Variants in DLC1 observed in about 807,000 individuals in gnomAD.
DLC1 encodes rho GTPase-activating protein 7.
In DLC1, 54 loss-of-function variants were observed where a neutral mutation model predicts 140.3. That is an observed-to-expected ratio of 0.38 (90% CI 0.31 to 0.48). The LOEUF (loss-of-function observed/expected upper bound fraction) is 0.48. Among genes scored for constraint, DLC1 ranks in the 20% least tolerant of loss-of-function variants. DLC1 has a pLI of 0.96. For missense variants in DLC1, 2,536 were observed against 1,907.0 expected (o/e 1.33, Z -6.14); for synonymous variants, 986 against 728.1 (o/e 1.35, Z -5.70).
At chr8:13,291,449 A>T (rs892637679) in intron 5 of DLC1, among the ~76,000 whole-genome samples, 2 of 137,382 alleles carry the variant, frequency 1.5e-5, no homozygotes, top group Non-Finnish European at 3.3e-5. Context: ...ATTATTTGAG[A>T]TGAACAAAAT....
At chr8:13,492,775 A>T (rs1801320768) in intron 2 of DLC1, among the ~76,000 whole-genome samples, 1 of 152,216 alleles carries the variant, frequency 6.6e-6, no homozygotes, top group African/African-American at 2.4e-5. Context: ...TTATCTTACA[A>T]TTAAATGTTT....
chr8:13,235,086 G>A (rs1239662677), intron 5 of DLC1, among the ~76,000 whole-genome samples: 1 of 151,934 alleles, frequency 6.6e-6, no homozygotes, highest in Non-Finnish European at 1.5e-5. Flanking sequence ...TTTTTGTATT[G>A]TGATAGAGTC....
chr8:13,098,370 G>T, intron 10 of DLC1, 29 bp downstream of exon 10: 1 of 1,609,346 alleles, frequency 6.2e-7, no homozygotes, highest in South Asian at 1.1e-5. Flanking sequence ...CATTTTCAAC[G>T]ACAGTTGACT....
chr8:13,348,050 C>G (rs956415486), intron 4 of DLC1, among the ~76,000 whole-genome samples: 2 of 151,998 alleles, frequency 1.3e-5, no homozygotes, highest in African/African-American at 4.8e-5. Context: ...GATCACGCCA[C>G]TGCACTCCAG....
chr8:13,196,028 C>A (rs1272127631), intron 5 of DLC1, among the ~76,000 whole-genome samples: 1 of 151,348 alleles, frequency 6.6e-6, no homozygotes, highest in African/African-American at 2.4e-5. Context: ...TAAGTAAATC[C>A]AGCTTTATAC....
chr8:13,424,169 A>G (rs905203771), intron 2 of DLC1, among the ~76,000 whole-genome samples: 1 of 152,138 alleles, frequency 6.6e-6, no homozygotes. Context: ...AAAATAACTC[A>G]TTGTCCTACC....
At chr8:13,186,202 T>C (rs1245896456) in intron 5 of DLC1, among the ~76,000 whole-genome samples, 2 of 152,200 alleles carry the variant, frequency 1.3e-5, no homozygotes, top group Non-Finnish European at 2.9e-5. Context: ...CCTGCCTTGC[T>C]AGGTTGGGGA....
chr8:13,219,918 C>T (rs958218504), intron 5 of DLC1, among the ~76,000 whole-genome samples: 2 of 152,164 alleles, frequency 1.3e-5, no homozygotes, highest in African/African-American at 4.8e-5. Context: ...AACAATGCGA[C>T]ACAGAAGGCT....
chr8:13,311,822 A>C (rs1832673167), intron 4 of DLC1, among the ~76,000 whole-genome samples: 1 of 152,156 alleles, frequency 6.6e-6, no homozygotes, highest in Admixed American at 6.5e-5. Context: ...ACCCTCCCCT[A>C]AGTAAGAATG....
At chr8:13,146,579 A>C (rs1043843619) in intron 5 of DLC1, among the ~76,000 whole-genome samples, 3 of 151,930 alleles carry the variant, frequency 2.0e-5, no homozygotes, top group African/African-American at 7.2e-5. Context: ...TTGATCTGTA[A>C]AGGAATAGCT....
chr8:13,601,632 C>T (rs17094690), intron 1 of DLC1, among the ~76,000 whole-genome samples: 2,429 of 139,890 alleles, frequency 0.017, 67 homozygotes, highest in East Asian at 0.14. Context: ...CAGTAAAGAG[C>T]CAGGATAATA....
At chr8:13,161,000 G>A (rs1006501738) in intron 5 of DLC1, among the ~76,000 whole-genome samples, 1 of 152,152 alleles carries the variant, frequency 6.6e-6, no homozygotes, top group Admixed American at 6.5e-5. Flanking sequence ...AGAATGGCAC[G>A]AACCCGGGAG....
chr8:13,136,202 T>C (rs901173576), intron 5 of DLC1, among the ~76,000 whole-genome samples: 1 of 152,194 alleles, frequency 6.6e-6, no homozygotes, highest in African/African-American at 2.4e-5. Context: ...TAATTTAAAC[T>C]TTTATTTTAG....
intron 4 of DLC1, among the ~76,000 whole-genome samples, chr8:13,357,480 G>C (rs1323511979): frequency 1.3e-5 from 2 of 152,218 alleles, no homozygotes; most frequent in South Asian, 4.1e-4. Context: ...TTATATAGAA[G>C]AGCACTGATG....
chr8:13,210,621 T>C (rs1459838735), intron 5 of DLC1, among the ~76,000 whole-genome samples: 1 of 152,244 alleles, frequency 6.6e-6, no homozygotes, highest in Non-Finnish European at 1.5e-5. Flanking sequence ...ATACTTTCTC[T>C]GACTTTTGGA....
At chr8:13,107,624 C>T (rs571567126) in intron 7 of DLC1, among the ~76,000 whole-genome samples, 37 of 152,262 alleles carry the variant, frequency 2.4e-4, no homozygotes, top group Non-Finnish European at 4.7e-4. Flanking sequence ...ATTTGCTGGC[C>T]CTTGAATTCC....
intron 1 of DLC1, among the ~76,000 whole-genome samples, chr8:13,548,606 A>G (rs991798298): frequency 1.3e-5 from 2 of 152,070 alleles, no homozygotes; most frequent in Non-Finnish European, 2.9e-5. Flanking sequence ...GGGACCTTTA[A>G]TAGACTTTAG....
chr8:13,126,408 T>A (rs1821574576), intron 5 of DLC1, among the ~76,000 whole-genome samples: 1 of 131,496 alleles, frequency 7.6e-6, no homozygotes, highest in East Asian at 2.1e-4. Context: ...CACGTGTACG[T>A]ATTTCTAGTA....
chr8:13,182,446 G>T lies in DLC1; in HGVS notation c.1349-66789C>A, dbSNP rs28814614. ...CTAGGTTTTCATCTAGGGTTTTTAT[G>T]GTTTTAGGTCTAACATTCAAACTTT... On this transcript the variant is annotated intron_variant, in intron 5 of 17. Coordinates refer to ENST00000276297, the MANE Select transcript of DLC1 (RefSeq NM_182643.3). Among the ~76,000 whole-genome samples, 3 of 151,842 alleles carry T rather than the reference G, an allele frequency of 2.0e-5. No homozygotes were observed. The East Asian group carries it at 5.8e-4, about 29-fold the overall frequency.
Sources: gnomAD v4.1 joint callset for allele counts (sites outside exome capture counted in the v4.1 genomes callset) on GRCh38, gnomAD v4.1.1 for gene constraint, MANE v1.5 for transcripts, NCBI Gene and HGNC (gene_info 2026-07-23, HGNC 2026-07-21) for gene names.